The following LMBR1 variants were observed in gnomAD, a reference collection of about 807,000 sequenced individuals.
LMBR1 encodes the protein limb development membrane protein 1.
LMBR1 carries 52 observed loss-of-function variants against 73.9 expected under a neutral mutation model. The ratio of observed to expected loss-of-function variants is 0.70; its 90% CI spans 0.56 to 0.89. The LOEUF (loss-of-function observed/expected upper bound fraction) is 0.89. Ranked by LOEUF, LMBR1 falls within the 40% of genes least tolerant of loss-of-function variation. LMBR1 has a pLI of 0.00. For missense variants in LMBR1, 539 were observed against 579.8 expected (o/e 0.93, Z 0.72); for synonymous variants, 215 against 209.4 (o/e 1.03, Z -0.23).
chr7:156,873,180 C>T, intron 1 of LMBR1, among the ~76,000 whole-genome samples: 1 of 151,966 alleles, frequency 6.6e-6, no homozygotes, highest in Non-Finnish European at 1.5e-5. Context: ...TTCTGATGTT[C>T]AGATGTGTTC....
Position 156,888,137 on chromosome 7 carries a change from G to A in LMBR1, c.66+4791C>T, listed in dbSNP as rs149285354. Among the ~76,000 whole-genome samples the A allele has an allele frequency of 9.0e-3, 1,378 of 152,292 alleles. 16 individuals are homozygous for A. Among genetic ancestry groups the A allele is most frequent in the Non-Finnish European group, 0.014 (971 of 68,008 alleles). On this transcript the variant is annotated intron_variant, in intron 1 of 16. Coordinates refer to ENST00000353442, the MANE Select transcript of LMBR1 (RefSeq NM_022458.4). ...AAAAAATTAAACATAGAGGCCGGGC[G>A]TGGTGGCTCACGCCTGTAATCCCAG... is the stretch of plus-strand genomic sequence containing the variant.
At chr7:156,853,329 C>A (rs1796507155) in intron 1 of LMBR1, among the ~76,000 whole-genome samples, 1 of 151,500 alleles carries the variant, frequency 6.6e-6, no homozygotes, top group Non-Finnish European at 1.5e-5. Flanking sequence ...ATTCCTTTCT[C>A]TTTTAAAAAA....
intron 4 of LMBR1, among the ~76,000 whole-genome samples, chr7:156,808,378 T>C (rs1031996775): frequency 3.9e-5 from 6 of 152,160 alleles, no homozygotes; most frequent in African/African-American, 1.4e-4. Flanking sequence ...TCTTTGCCCT[T>C]GTCTGATAAT....
chr7:156,789,171 T>C (rs1176275513), intron 5 of LMBR1, among the ~76,000 whole-genome samples: 1 of 152,206 alleles, frequency 6.6e-6, no homozygotes, highest in African/African-American at 2.4e-5. Flanking sequence ...AATCCTAACT[T>C]TTTCTACTGT....
chr7:156,805,991 C>T (rs111591034), intron 4 of LMBR1, among the ~76,000 whole-genome samples: 4,841 of 152,248 alleles, frequency 0.032, 123 homozygotes, highest in South Asian at 0.085. Flanking sequence ...ATCAAGAACC[C>T]AACCATGGTG....
At chr7:156,755,868 C>A (rs1249399055) in intron 9 of LMBR1, among the ~76,000 whole-genome samples, 1 of 152,098 alleles carries the variant, frequency 6.6e-6, no homozygotes, top group African/African-American at 2.4e-5. Flanking sequence ...TAGGTAGATA[C>A]CTGTTTCTCA....
At chr7:156,753,038 G>C (rs1821187278) in intron 9 of LMBR1, among the ~76,000 whole-genome samples, 1 of 152,156 alleles carries the variant, frequency 6.6e-6, no homozygotes, top group Admixed American at 6.6e-5. Flanking sequence ...GTAGGAAATG[G>C]GAGTGCTAGA....
At chr7:156,821,360 T>TTGAA (rs1243682324) in intron 4 of LMBR1, among the ~76,000 whole-genome samples, 2 of 152,244 alleles carry the variant, frequency 1.3e-5, no homozygotes, top group Non-Finnish European at 2.9e-5. Context: ...CAGATGGTTC[T>TTGAA]GCATGATATG....
chr7:156,869,516 A>G (rs1798960380), intron 1 of LMBR1, among the ~76,000 whole-genome samples: 1 of 152,188 alleles, frequency 6.6e-6, no homozygotes. Context: ...AGTTACCCAA[A>G]GGAAAAAACA....
intron 15 of LMBR1, among the ~76,000 whole-genome samples, chr7:156,723,493 T>C (rs1427569836): frequency 1.3e-5 from 2 of 152,158 alleles, no homozygotes; most frequent in African/African-American, 4.8e-5. Context: ...TAGCATTTTA[T>C]AAAAGACAAC....
intron 5 of LMBR1, among the ~76,000 whole-genome samples, chr7:156,769,113 T>C (rs541858684): frequency 6.6e-6 from 1 of 152,278 alleles, no homozygotes; most frequent in Admixed American, 6.5e-5. Context: ...CAATTTAATA[T>C]AGAGTCAGCA....
chr7:156,675,862 A>G (rs770580934), downstream of LMBR1: 7 of 1,611,538 alleles, frequency 4.3e-6, no homozygotes, highest in South Asian at 3.3e-5. Context: ...ATCCAAGTGC[A>G]GGTAGGTTTG....
intron 15 of LMBR1, among the ~76,000 whole-genome samples, chr7:156,700,334 T>C (rs1385635898): frequency 6.6e-6 from 1 of 151,686 alleles, no homozygotes; most frequent in Non-Finnish European, 1.5e-5. Context: ...TAGGTGGGAA[T>C]CGAACAATGA....
intron 15 of LMBR1, among the ~76,000 whole-genome samples, chr7:156,709,108 A>G (rs1203930484): frequency 6.6e-6 from 1 of 152,118 alleles, no homozygotes; most frequent in Non-Finnish European, 1.5e-5. Context: ...CAAAAGACAT[A>G]AAGTCTAGGG....
chr7:156,769,733 T>C (rs1269888302), intron 5 of LMBR1, among the ~76,000 whole-genome samples: 3 of 152,200 alleles, frequency 2.0e-5, no homozygotes, highest in Non-Finnish European at 4.4e-5. Flanking sequence ...CCAAGTCTTA[T>C]GGATGGATGT....
At chr7:156,745,515 G>A (rs1819688550) in intron 9 of LMBR1, among the ~76,000 whole-genome samples, 1 of 152,182 alleles carries the variant, frequency 6.6e-6, no homozygotes, top group Admixed American at 6.5e-5. Context: ...AACTGATTTA[G>A]GAGGAGGAAA....
At chr7:156,851,651 GGAGA>G (rs1036115534) in intron 1 of LMBR1, among the ~76,000 whole-genome samples, 11 of 151,948 alleles carry the variant, frequency 7.2e-5, no homozygotes, top group Non-Finnish European at 1.5e-4. Context: ...CAAAAACAAT[GGAGA>G]GAGAAAAAGT....
rs1488224769 is a variant in LMBR1 at position 156,677,834 on chromosome 7, G to T, written c.*6244C>A. On this transcript the variant is annotated 3_prime_UTR_variant, in exon 17 of 17. Coordinates refer to ENST00000353442, the MANE Select transcript of LMBR1 (RefSeq NM_022458.4). The stretch of plus-strand genomic sequence containing the variant: ...TATCAAAAAATTTGCAGACTAATTT[G>T]GAGAATGCTTTAAACAATGAGTAAG... 6.6e-6 allele frequency: 1 copy of T among 152,150 alleles called. No individual in the cohort carries two copies. The highest frequency in any genetic ancestry group is 2.4e-5 in the African/African-American group (1 of 41,420). The allele number at this position is 152,150 out of a possible 1,614,324, so 9.4% of individuals were successfully genotyped here. A position where few individuals can be genotyped will look rare whatever the true frequency, so the allele number is the denominator to read the frequency against.
In LMBR1 at chr7:156,678,921, G is replaced by C. The variant is rs1302631815; in HGVS notation, c.*5157C>G. 1.3e-5 allele frequency: 2 copies of C among 152,188 alleles called. No homozygotes were observed. Among genetic ancestry groups the C allele is most frequent in the African/African-American group, 2.4e-5 (1 of 41,440 alleles). The allele number at this position is 152,188 out of a possible 1,614,324, so 9.4% of individuals were successfully genotyped here. On this transcript the variant is annotated 3_prime_UTR_variant, in exon 17 of 17. Transcript: ENST00000353442. ...AAAGAGAATTCTTAGCGAATTGTGGGACTGGAGGCATTTGATAAGAATAAA... is the reference window on the plus strand; with the variant it reads ...AAAGAGAATTCTTAGCGAATTGTGGCACTGGAGGCATTTGATAAGAATAAA...
Sources: gnomAD v4.1 joint callset for allele counts (sites outside exome capture counted in the v4.1 genomes callset) on GRCh38, gnomAD v4.1.1 for gene constraint, MANE v1.5 for transcripts, NCBI Gene and HGNC (gene_info 2026-07-23, HGNC 2026-07-21) for gene names.